ARFGAP2: variants seen among roughly 807,000 people sequenced by gnomAD.
ARFGAP2 encodes the protein ARF GTPase activating protein 2, also known as ADP-ribosylation factor GTPase-activating protein 2.
Under a neutral mutation model 71.9 loss-of-function variants are expected in ARFGAP2, and 45 were observed. The observed-to-expected ratio is 0.63, with a 90% CI of 0.49 to 0.80. ARFGAP2 has a LOEUF of 0.80. ARFGAP2 is among the 30% of genes least tolerant of loss of function. The pLI is 0.00. For synonymous variants in ARFGAP2, 248 were observed against 249.2 expected (o/e 1.00, Z 0.05); for missense variants, 633 against 673.9 (o/e 0.94, Z 0.67).
chr11:47,171,469 G>T lies in ARFGAP2; in HGVS notation c.898C>A (p.Arg300=), dbSNP rs1952596632. 6.2e-7 allele frequency: 1 copy of T among 1,614,026 alleles called. No homozygotes were observed. The highest frequency in any genetic ancestry group is 1.7e-5 in the Admixed American group (1 of 60,002). ...ATGCCCAACCTTTCTGCCTGCTCTC[G>T]CTTCTTCCCTTCCAGATTCTGTAGC... ...KKLQNLEGKK[R]EQAERLGMGL... The change falls in exon 10 of 16, where the codon CGA becomes AGA. Residue 300 remains arginine, a synonymous_variant. Coordinates refer to ENST00000524782, the MANE Select transcript of ARFGAP2 (RefSeq NM_032389.6).
chr11:47,176,729 C>A (rs1248669926), intron 1 of ARFGAP2, 53 bp downstream of exon 1: 1 of 1,612,568 alleles, frequency 6.2e-7, no homozygotes, highest in Non-Finnish European at 8.5e-7. Flanking sequence ...GCCCTTCTCC[C>A]TCCCTCAGGC....
chr11:47,171,091 G>A (rs1244940795), intron 10 of ARFGAP2, among the ~76,000 whole-genome samples: 1 of 152,102 alleles, frequency 6.6e-6, no homozygotes, highest in South Asian at 2.1e-4. Context: ...AATTAAGGAT[G>A]ATACTAAATG....
chr11:47,165,255 G>A lies in ARFGAP2; in HGVS notation c.*227C>T, dbSNP rs1356081791. On this transcript the variant is annotated 3_prime_UTR_variant, in exon 16 of 16. Transcript: ENST00000524782. ...GAAGGACAAGAGTCTAACACACGGA[G>A]GGTGGTGTGAGAGGGAATAAAGGGC... 2.3e-6 allele frequency: 1 copy of A among 425,920 alleles called. No homozygotes were observed. Among genetic ancestry groups the A allele is most frequent in the Admixed American group, 4.3e-5 (1 of 23,442 alleles). 26.4% of individuals were successfully genotyped at this position (425,920 alleles called of 1,614,324 possible).
intron 7 of ARFGAP2, chr11:47,173,087 G>A (rs923259570): frequency 2.5e-5 from 10 of 400,182 alleles, no homozygotes; most frequent in African/African-American, 4.1e-5. Context: ...CTCCACCCCC[G>A]GAAATGCACC....
rs148550605 is a variant in ARFGAP2 at position 47,167,928 on chromosome 11, T to C, written c.1186A>G (p.Ile396Val). 14 of 1,612,088 alleles carry C rather than the reference T, an allele frequency of 8.7e-6. No individual in the cohort carries two copies. The highest frequency in any genetic ancestry group is 1.2e-5 in the Non-Finnish European group (14 of 1,179,274). Residue 396 changes from isoleucine (I) to valine (V), a missense_variant, in exon 12 of 16, where the codon ATC becomes GTC. By Grantham distance (29) the Ile-to-Val change is conservative. Coordinates refer to ENST00000524782, the MANE Select transcript of ARFGAP2 (RefSeq NM_032389.6). ...EKEPEVTISS[I>V]RPISERATNR... is the part of the protein sequence containing the mutation. Reference sequence around the variant, plus strand: ...CTCTACCTTTCTGAAATAGGCCGGATGCTTGAGATGGTCACTTCTGGCTCC... The same window carrying C: ...CTCTACCTTTCTGAAATAGGCCGGACGCTTGAGATGGTCACTTCTGGCTCC...
At chr11:47,175,738 T>A in intron 3 of ARFGAP2, 113 bp downstream of exon 3, 1 of 1,226,162 alleles carries the variant, frequency 8.2e-7, no homozygotes, top group South Asian at 1.2e-5. Context: ...ATGGTGGTGT[T>A]ATAGAACAGA....
intron 10 of ARFGAP2, among the ~76,000 whole-genome samples, chr11:47,170,644 C>T (rs573031438): frequency 5.4e-4 from 82 of 152,124 alleles, no homozygotes; most frequent in Non-Finnish European, 1.1e-3. Context: ...GAGACTTTGT[C>T]TCAAAAAATA....
chr11:47,176,587 C>G lies in ARFGAP2; in HGVS notation c.120G>C (p.Thr40=), dbSNP rs774294766. Residue 40 remains threonine (T), a synonymous_variant, in exon 2 of 16, where the codon ACG becomes ACC. Transcript: ENST00000524782. ...GAKNPSWASI[T]YGVFLCIDCS... ...AGTCAATGCACAAGAAAACACCGTA[C>G]GTGATGCTGGCCCAACTCGGATTCT... is the stretch of plus-strand genomic sequence containing the variant. The G allele has an allele frequency of 9.3e-6, 15 of 1,614,010 alleles. No individual in the cohort carries two copies. The highest frequency in any genetic ancestry group is 1.3e-5 in the Non-Finnish European group (15 of 1,180,052).
chr11:47,174,272 C>CT (rs1952709119), intron 5 of ARFGAP2: 1 of 189,144 alleles, frequency 5.3e-6, no homozygotes, highest in African/African-American at 2.3e-5. Flanking sequence ...AGCCAAGAGT[C>CT]TAACTTCAGC....
intron 5 of ARFGAP2, 182 bp from the exon 6 acceptor site, chr11:47,174,022 GCCCCCACCCCAA>G: frequency 8.5e-7 from 1 of 1,174,038 alleles, no homozygotes; most frequent in Non-Finnish European, 1.2e-6. Flanking sequence ...AAGACAAGCA[GCCCCCACCCCAA>G]CCCCTTCACT....
At position 47,166,858 on chromosome 11, in the gene ARFGAP2, G is replaced by A. The variant is rs763086182; in HGVS notation, c.1234C>T (p.Arg412Trp). 30 of 1,613,824 alleles carry A rather than the reference G, an allele frequency of 1.9e-5. No homozygotes were observed. The highest frequency in any genetic ancestry group is 1.8e-4 in the East Asian group (8 of 44,900). ...RATNRREVESRSSGLESSEAR... is the reference protein window; with the variant it reads ...RATNRREVESWSSGLESSEAR... ...TCACTAGACTCGAGGCCTGAGCTCC[G>A]GCTCTCCACTTCCCTCCGGTTTGTG... Residue 412 changes from arginine (R) to tryptophan (W), a missense_variant, in exon 13 of 16, where the codon CGG becomes TGG. Transcript: ENST00000524782.
In ARFGAP2 at chr11:47,175,029, T is replaced by C. The variant is rs1162517911; in HGVS notation, c.466A>G (p.Thr156Ala). The C allele has an allele frequency of 1.2e-6, 2 of 1,614,206 alleles. No homozygotes were observed. Among genetic ancestry groups the C allele is most frequent in the Admixed American group, 1.7e-5 (1 of 60,024 alleles). Residue 156 changes from threonine (T) to alanine (A), a missense_variant, in exon 5 of 16, where the codon ACA becomes GCA. Thr to Ala is a moderately conservative substitution (Grantham distance 58). Coordinates refer to ENST00000524782, the MANE Select transcript of ARFGAP2 (RefSeq NM_032389.6). ...TGGGCACTCACTTGAGTGTGTTCTG[T>C]GAAGAAATCAGAGTCCTTCTTCTCT... Reference protein sequence around the residue: ...SPEKKDSDFFTEHTQPPAWDA... With the variant: ...SPEKKDSDFFAEHTQPPAWDA...
chr11:47,173,263 G>A, intron 7 of ARFGAP2, 163 bp downstream of exon 7: 1 of 846,918 alleles, frequency 1.2e-6, no homozygotes, highest in Non-Finnish European at 1.9e-6. Context: ...TAAAATCAGT[G>A]TTGCATCCAC....
Position 47,175,313 on chromosome 11 carries a change from T to G in ARFGAP2, c.265A>C (p.Thr89Pro). ...CMQVGGNANA[T>P]AFFRQHGCTA... ...CATCCATGTTGGCGAAAAAAAGCCG[T>G]CTGGAGAGCAAAGAAGAGAGCAGCG... Residue 89 changes from threonine to proline, a missense_variant and splice_region_variant, in exon 4 of 16, where the codon ACG (threonine) becomes CCG (proline). Thr to Pro is a conservative substitution (Grantham distance 38). Coordinates refer to ENST00000524782, the MANE Select transcript of ARFGAP2 (RefSeq NM_032389.6). 3 of 1,614,036 alleles carry G rather than the reference T, an allele frequency of 1.9e-6. No homozygotes were observed. The highest frequency in any genetic ancestry group is 2.5e-6 in the Non-Finnish European group (3 of 1,179,996).
chr11:47,174,871 A>G, intron 5 of ARFGAP2, 144 bp downstream of exon 5: 1 of 848,624 alleles, frequency 1.2e-6, no homozygotes, highest in East Asian at 2.4e-5. Flanking sequence ...AGGCCTACCC[A>G]GCAGGAACAG....
intron 5 of ARFGAP2, 132 bp downstream of exon 5, chr11:47,174,883 G>A (rs1952737434): frequency 6.5e-6 from 6 of 928,330 alleles, no homozygotes; most frequent in South Asian, 6.0e-5. Flanking sequence ...CAGGAACAGT[G>A]GACTTCATAC....
chr11:47,175,687 G>A (rs1952781904), intron 3 of ARFGAP2, 164 bp downstream of exon 3: 3 of 761,374 alleles, frequency 3.9e-6, no homozygotes, highest in East Asian at 2.7e-5. Flanking sequence ...ACCCATTTAA[G>A]AGAAGCTGTG....
Position 47,172,283 on chromosome 11 carries a change from C to G in ARFGAP2, c.670G>C (p.Gly224Arg), listed in dbSNP as rs1952632323. 1.2e-6 allele frequency: 2 copies of G among 1,614,200 alleles called. No homozygotes were observed. Among genetic ancestry groups the G allele is most frequent in the Non-Finnish European group, 1.7e-6 (2 of 1,180,024 alleles). ...CCATACCACCTCTCCCCACCTACCC[C>G]TTTCTTAGCTGCTGCTGGCTTCTTC... Reference protein sequence around the residue: ...GKKKPAAAKKGLGAKKGLGAQ... With the variant: ...GKKKPAAAKKRLGAKKGLGAQ... The change falls in exon 8 of 16, where the codon GGG becomes CGG. Residue 224 changes from glycine to arginine, a missense_variant and splice_region_variant. Transcript: ENST00000524782.
At position 47,176,837 on chromosome 11, in the gene ARFGAP2, T is replaced by A; in HGVS notation, c.17A>T (p.Asn6Ile). The A allele has an allele frequency of 6.2e-7, 1 of 1,613,794 alleles. No homozygotes were observed. The highest frequency in any genetic ancestry group is 2.2e-5 in the East Asian group (1 of 44,856). MAAEP[N>I]KTEIQTLFKR... Reference sequence around the variant, plus strand: ...AAAAAGAGTCTGGATTTCGGTCTTGTTCGGCTCCGCCGCCATTTTCTCTCC... The same window carrying A: ...AAAAAGAGTCTGGATTTCGGTCTTGATCGGCTCCGCCGCCATTTTCTCTCC... The change falls in exon 1 of 16, where the codon AAC (asparagine) becomes ATC (isoleucine). Residue 6 changes from asparagine (N) to isoleucine (I), a missense_variant. By Grantham distance (149) the Asn-to-Ile change is moderately radical. Transcript: ENST00000524782.
Sources: gnomAD v4.1 joint callset for allele counts (sites outside exome capture counted in the v4.1 genomes callset) on GRCh38, gnomAD v4.1.1 for gene constraint, MANE v1.5 for transcripts, NCBI Gene and HGNC (gene_info 2026-07-23, HGNC 2026-07-21) for gene names.